ESR1: variants seen among roughly 807,000 people sequenced by gnomAD.
The protein encoded by ESR1 is estrogen receptor.
ESR1 carries 12 observed loss-of-function variants against 52.7 expected under a neutral mutation model. The observed-to-expected ratio is 0.23, with a 90% CI of 0.15 to 0.37. ESR1 has a LOEUF of 0.37. Ranked by LOEUF, ESR1 falls within the 10% of genes least tolerant of loss-of-function variation. The pLI is 1.00. For missense variants in ESR1, 584 were observed against 779.7 expected (o/e 0.75, Z 2.99); for synonymous variants, 305 against 316.8 (o/e 0.96, Z 0.39).
chr6:151,810,561 A>G (rs2128164064), intron 1 of ESR1, among the ~76,000 whole-genome samples: 1 of 152,290 alleles, frequency 6.6e-6, no homozygotes, highest in South Asian at 2.1e-4. Flanking sequence ...GTAGTTCTCA[A>G]AAGTTTTGGG....
At chr6:151,855,305 C>G (rs1787618373) in intron 2 of ESR1, among the ~76,000 whole-genome samples, 1 of 152,186 alleles carries the variant, frequency 6.6e-6, no homozygotes, top group Non-Finnish European at 1.5e-5. Flanking sequence ...GATGGTTTTT[C>G]TCTTTATTTT....
intron 3 of ESR1, among the ~76,000 whole-genome samples, chr6:151,921,457 G>A (rs2031657732): frequency 6.6e-6 from 1 of 152,144 alleles, no homozygotes; most frequent in Admixed American, 6.6e-5. Context: ...CCCAGTAATG[G>A]GATTGCCAGG....
chr6:151,757,491 C>T (rs1311479985), intron 2 of ESR1, among the ~76,000 whole-genome samples: 1 of 152,190 alleles, frequency 6.6e-6, no homozygotes, highest in East Asian at 1.9e-4. Context: ...CCCTGAGAGT[C>T]TGGAAGAAAT....
intron 3 of ESR1, among the ~76,000 whole-genome samples, chr6:151,926,585 A>G (rs1471170910): frequency 6.6e-6 from 1 of 151,986 alleles, no homozygotes; most frequent in Non-Finnish European, 1.5e-5. Flanking sequence ...TTGTTAATTT[A>G]TATCTTAGTA....
intron 2 of ESR1, among the ~76,000 whole-genome samples, chr6:151,786,535 C>A (rs1259333180): frequency 6.6e-6 from 1 of 152,132 alleles, no homozygotes; most frequent in Non-Finnish European, 1.5e-5. Context: ...TAAATGTCAA[C>A]AACAAACAAA....
chr6:151,957,946 G>A (rs1241343804), intron 4 of ESR1, among the ~76,000 whole-genome samples: 1 of 152,158 alleles, frequency 6.6e-6, no homozygotes, highest in African/African-American at 2.4e-5. Context: ...CCTGGGACAG[G>A]CTTACATTCT....
chr6:151,850,414 GGA>G (rs1421240464), intron 2 of ESR1, among the ~76,000 whole-genome samples: 1 of 147,366 alleles, frequency 6.8e-6, no homozygotes, highest in Non-Finnish European at 1.5e-5. Flanking sequence ...GAGAGAGGGA[GGA>G]GAGAGAGGGA....
At chr6:151,766,431 A>G (rs1369904463) in intron 2 of ESR1, among the ~76,000 whole-genome samples, 1 of 152,150 alleles carries the variant, frequency 6.6e-6, no homozygotes, top group East Asian at 1.9e-4. Context: ...CAGTGAGCCA[A>G]GATTGCACCA....
chr6:151,713,573 G>A (rs948316800), intron 2 of ESR1, among the ~76,000 whole-genome samples: 3 of 152,110 alleles, frequency 2.0e-5, no homozygotes, highest in Admixed American at 6.6e-5. Context: ...TTGGGAGGGC[G>A]TATGTGTCCA....
chr6:151,819,390 A>C (rs1780193473), intron 1 of ESR1, among the ~76,000 whole-genome samples: 2 of 152,188 alleles, frequency 1.3e-5, no homozygotes, highest in South Asian at 4.1e-4. Context: ...ACTGGGCCGC[A>C]CAGCAGGAGG....
chr6:151,888,450 G>A (rs746959443), intron 3 of ESR1, among the ~76,000 whole-genome samples: 1 of 151,682 alleles, frequency 6.6e-6, no homozygotes, highest in Non-Finnish European at 1.5e-5. Flanking sequence ...ATTTCTTCTT[G>A]ATTTCTTTTT....
intron 1 of ESR1, among the ~76,000 whole-genome samples, chr6:151,824,551 C>T (rs1781144438): frequency 6.6e-6 from 1 of 152,144 alleles, no homozygotes; most frequent in East Asian, 1.9e-4. Flanking sequence ...CTTGCCCATA[C>T]CTATGTCCTG....
chr6:151,808,497 G>T lies in ESR1; in HGVS notation c.452+133G>T, dbSNP rs1456481497. On this transcript the variant is annotated intron_variant, in intron 1 of 7. Coordinates refer to ENST00000206249, the MANE Select transcript of ESR1 (RefSeq NM_000125.4). ...CGCGACCCGAGGGTGCGCGCAGGGA[G>T]CCCGGGGCGCGCGGCCCAGCCCGGG... 12 of 735,744 alleles carry T rather than the reference G, an allele frequency of 1.6e-5. No homozygotes were observed. In the Admixed American group the frequency reaches 3.8e-4, roughly 23 times the overall value. 45.6% of individuals were successfully genotyped at this position (735,744 alleles called of 1,614,324 possible). A position where few individuals can be genotyped will look rare whatever the true frequency, so the allele number is the denominator to read the frequency against.
chr6:151,747,788 A>G (rs926267693), intron 2 of ESR1, among the ~76,000 whole-genome samples: 2 of 152,302 alleles, frequency 1.3e-5, no homozygotes, highest in South Asian at 2.1e-4. Flanking sequence ...TTCAAGGGTC[A>G]TTTATATTGC....
intron 2 of ESR1, among the ~76,000 whole-genome samples, chr6:151,844,463 A>G (rs1784803566): frequency 6.6e-6 from 1 of 152,178 alleles, no homozygotes; most frequent in Non-Finnish European, 1.5e-5. Context: ...AGTAAAAATG[A>G]TTTGAAGCAG....
At chr6:152,036,188 C>T (rs1224633360) in intron 5 of ESR1, among the ~76,000 whole-genome samples, 2 of 152,092 alleles carry the variant, frequency 1.3e-5, no homozygotes, top group East Asian at 1.9e-4. Context: ...GGCAAAACCT[C>T]GTCTCTACTA....
At chr6:152,058,540 TA>T (rs1308476107) in intron 5 of ESR1, among the ~76,000 whole-genome samples, 1 of 152,220 alleles carries the variant, frequency 6.6e-6, no homozygotes, top group African/African-American at 2.4e-5. Context: ...GCACTTTACA[TA>T]AAAAACCTCA....
intron 5 of ESR1, among the ~76,000 whole-genome samples, chr6:152,015,837 C>T (rs2043126213): frequency 6.6e-6 from 1 of 152,054 alleles, no homozygotes; most frequent in South Asian, 2.1e-4. Context: ...CAAATTTCGC[C>T]ATTTGGAATT....
chr6:151,658,162 G>A (rs1011018130), intron 1 of ESR1, among the ~76,000 whole-genome samples: 1 of 152,184 alleles, frequency 6.6e-6, no homozygotes, highest in Non-Finnish European at 1.5e-5. Context: ...GCAGTGTCTT[G>A]ACTGCAGTAG....
Sources: gnomAD v4.1 joint callset for allele counts (sites outside exome capture counted in the v4.1 genomes callset) on GRCh38, gnomAD v4.1.1 for gene constraint, MANE v1.5 for transcripts, NCBI Gene and HGNC (gene_info 2026-07-23, HGNC 2026-07-21) for gene names.